MID2: variants seen among roughly 807,000 people sequenced by gnomAD.
The protein encoded by MID2 is probable E3 ubiquitin-protein ligase MID2.
In MID2, 13 loss-of-function variants were observed where a neutral mutation model predicts 46.1. That is an observed-to-expected ratio of 0.28 (90% confidence interval 0.18 to 0.45). MID2 has a LOEUF of 0.45. MID2 is among the 20% of genes least tolerant of loss of function. The pLI, the probability that MID2 is intolerant of heterozygous loss-of-function variation, is 1.00. For synonymous variants in MID2, 199 were observed against 212.3 expected, an observed-to-expected ratio of 0.94 and a Z score of 0.55; for missense variants, 431 against 575.4, an observed-to-expected ratio of 0.75 and a Z score of 2.57.
chrX:107,864,463 G>A (rs771389111), intron 3 of MID2, among the ~76,000 whole-genome samples: 2 of 111,249 alleles, frequency 1.8e-5, no homozygotes, highest in Admixed American at 9.6e-5. Flanking sequence ...AATAGTGTGG[G>A]CAGCTCCAGG....
intron 3 of MID2, among the ~76,000 whole-genome samples, chrX:107,888,670 T>G (rs993883392): frequency 1.6e-4 from 18 of 111,684 alleles, no homozygotes; most frequent in Non-Finnish European, 2.6e-4. Flanking sequence ...CTGGATATCC[T>G]TGTTAACTTT....
chrX:107,899,180 CCT>C (rs1932773365), intron 3 of MID2, among the ~76,000 whole-genome samples: 3 of 89,748 alleles, frequency 3.3e-5, no homozygotes, highest in African/African-American at 1.3e-4. Context: ...GCCCCCTCCC[CCT>C]CCCCCCCCCC....
intron 5 of MID2, among the ~76,000 whole-genome samples, chrX:107,911,073 C>T (rs1003844002): frequency 9.3e-6 from 1 of 107,600 alleles, no homozygotes; most frequent in Non-Finnish European, 1.9e-5. Context: ...AGGGTGGTCT[C>T]GAACTCCTGA....
intron 7 of MID2, among the ~76,000 whole-genome samples, chrX:107,921,331 C>T (rs766857677): frequency 2.7e-5 from 3 of 111,484 alleles, no homozygotes; most frequent in African/African-American, 9.8e-5. Flanking sequence ...TCTGGAGACA[C>T]ATGATGTCCA....
intron 5 of MID2, among the ~76,000 whole-genome samples, chrX:107,907,588 T>C (rs73533443): frequency 0.019 from 2,071 of 111,080 alleles, 52 homozygotes; most frequent in African/African-American, 0.063. Flanking sequence ...ACATCCATTT[T>C]TAACCCACTC....
At chrX:107,859,477 A>G (rs1361618498) in intron 3 of MID2, among the ~76,000 whole-genome samples, 1 of 112,177 alleles carries the variant, frequency 8.9e-6, no homozygotes, top group African/African-American at 3.2e-5. Context: ...GGAGGTGTAA[A>G]TGAGCACATT....
Position 107,841,255 on chromosome X carries a change from A to G in MID2, c.590A>G (p.Asp197Gly). ...CATCTTCGAGGGATCACCTGCCTGGACCATGAGAATGAGAAAGTGAACATG... is the reference window on the plus strand; with the variant it reads ...CATCTTCGAGGGATCACCTGCCTGGGCCATGAGAATGAGAAAGTGAACATG... ...DTHLRGITCL[D>G]HENEKVNMYC... The change falls in exon 2 of 10, where the codon GAC (aspartate) becomes GGC (glycine). Residue 197 changes from aspartate (D) to glycine (G), a missense_variant. Physicochemically the swap from Asp to Gly is moderately conservative, Grantham distance 94 (BLOSUM62 -1). Coordinates refer to ENST00000262843, the MANE Select transcript of MID2 (RefSeq NM_012216.4). 1 of 1,211,474 alleles carries G rather than the reference A, an allele frequency of 8.3e-7. No individual in the cohort carries two copies. The highest frequency in any genetic ancestry group is 1.1e-6 in the Non-Finnish European group (1 of 895,260).
chrX:107,910,478 C>A (rs1167057796), intron 5 of MID2, among the ~76,000 whole-genome samples: 1 of 111,034 alleles, frequency 9.0e-6, no homozygotes, highest in Non-Finnish European at 1.9e-5. Flanking sequence ...GCAGATATTT[C>A]TTTGACATAT....
chrX:107,829,368 A>G (rs919838588), intron 1 of MID2, among the ~76,000 whole-genome samples: 2 of 112,105 alleles, frequency 1.8e-5, no homozygotes, highest in African/African-American at 6.5e-5. Context: ...CATACATGCA[A>G]CTAGGCATAC....
intron 3 of MID2, among the ~76,000 whole-genome samples, chrX:107,876,023 C>G (rs1932190844): frequency 8.9e-6 from 1 of 111,991 alleles, no homozygotes; most frequent in Non-Finnish European, 1.9e-5. Flanking sequence ...TGGGGACAGT[C>G]TGCCTTCCAG....
intron 5 of MID2, among the ~76,000 whole-genome samples, chrX:107,907,658 T>C (rs1023402067): frequency 3.6e-5 from 4 of 111,579 alleles, no homozygotes; most frequent in African/African-American, 1.3e-4. Context: ...CTCTACTTCA[T>C]ATCCCCTCCA....
At chrX:107,887,708 C>G (rs1456064311) in intron 3 of MID2, among the ~76,000 whole-genome samples, 1 of 111,730 alleles carries the variant, frequency 9.0e-6, no homozygotes, top group East Asian at 2.8e-4. Context: ...GGTACCAGCT[C>G]CTCCTTGTAC....
intron 3 of MID2, among the ~76,000 whole-genome samples, chrX:107,891,476 T>C (rs1932602837): frequency 9.1e-6 from 1 of 110,461 alleles, no homozygotes; most frequent in African/African-American, 3.3e-5. Context: ...AGATAGGGTT[T>C]CACCATGTTG....
Position 107,871,937 on chromosome X carries a change from G to A in MID2, c.816+17233G>A, listed in dbSNP as rs1407299542. 6.3e-5 allele frequency among the ~76,000 whole-genome samples: 7 copies of A among 111,607 alleles called. No individual in the cohort carries two copies. The Admixed American group carries it at 6.6e-4, about 11-fold the overall frequency. ...AGCTTTCAAGCGGGAAAATAGGAAT[G>A]CGTGTTCTCACTTTGGGACACGGTT... On this transcript the variant is annotated intron_variant, in intron 3 of 9. Transcript: ENST00000262843.
intron 3 of MID2, among the ~76,000 whole-genome samples, chrX:107,878,572 C>T (rs1175017318): frequency 2.7e-5 from 3 of 112,462 alleles, no homozygotes; most frequent in Non-Finnish European, 5.6e-5. Context: ...ACAGAAAAAT[C>T]TGAGCATCTT....
Position 107,826,545 on chromosome X carries a change from G to T in MID2, c.4+115G>T, listed in dbSNP as rs759933904. The T allele has an allele frequency of 8.8e-6, 8 of 906,622 alleles. No individual in the cohort carries two copies. In the African/African-American group the frequency reaches 1.0e-4, roughly 12 times the overall value. The allele number at this position is 906,622 out of a possible 1,213,427, so 74.7% of individuals were successfully genotyped here. ...CGCCGGGGCCCGGCGTTGGCCGAGGGCTCTCCGGCTCGGCGAGGCAGGGTG... is the reference window on the plus strand; with the variant it reads ...CGCCGGGGCCCGGCGTTGGCCGAGGTCTCTCCGGCTCGGCGAGGCAGGGTG... On this transcript the variant is annotated intron_variant, in intron 1 of 9. Transcript: ENST00000262843.
At chrX:107,881,406 C>T (rs759630300) in intron 3 of MID2, among the ~76,000 whole-genome samples, 11 of 112,381 alleles carry the variant, frequency 9.8e-5, no homozygotes, top group Non-Finnish European at 2.1e-4. Flanking sequence ...TCCCCATGTT[C>T]GACTTAAGTA....
chrX:107,867,390 T>C (rs1310953485), intron 3 of MID2, among the ~76,000 whole-genome samples: 1 of 108,823 alleles, frequency 9.2e-6, no homozygotes, highest in Non-Finnish European at 1.9e-5. Flanking sequence ...CTCGATCTCC[T>C]GACCTTGTGA....
intron 1 of MID2, among the ~76,000 whole-genome samples, chrX:107,833,423 A>T (rs1931133773): frequency 9.8e-6 from 1 of 101,890 alleles, no homozygotes; most frequent in East Asian, 3.0e-4. Context: ...ATATATATAT[A>T]TATATATTTT....
Sources: gnomAD v4.1 joint callset for allele counts (sites outside exome capture counted in the v4.1 genomes callset) on GRCh38, gnomAD v4.1.1 for gene constraint, MANE v1.5 for transcripts, NCBI Gene and HGNC (gene_info 2026-07-23, HGNC 2026-07-21) for gene names.